Variants in ERBB4 observed in about 807,000 individuals in gnomAD.
The protein encoded by ERBB4 is receptor tyrosine-protein kinase erbB-4.
A neutral mutation model predicts 158.0 loss-of-function variants in ERBB4; 42 were observed. The observed-to-expected ratio is 0.27, with a 90% CI of 0.21 to 0.34. The LOEUF (loss-of-function observed/expected upper bound fraction) is 0.34. ERBB4 is among the 10% of genes least tolerant of loss of function. The pLI, the probability that ERBB4 is intolerant of heterozygous loss-of-function variation, is 1.00. For synonymous variants in ERBB4, 583 were observed against 558.7 expected, an observed-to-expected ratio of 1.04 and a Z score of -0.61; for missense variants, 1,333 against 1,624.1, an observed-to-expected ratio of 0.82 and a Z score of 3.08.
intron 3 of ERBB4, among the ~76,000 whole-genome samples, chr2:211,852,629 T>C (rs1330001443): frequency 8.0e-6 from 1 of 125,432 alleles, no homozygotes; most frequent in African/African-American, 2.7e-5. Flanking sequence ...CATGGTACAA[T>C]GGCCAACTTT....
chr2:211,401,477 CA>C (rs1370268277), intron 25 of ERBB4, among the ~76,000 whole-genome samples: 4 of 151,930 alleles, frequency 2.6e-5, no homozygotes, highest in Non-Finnish European at 5.9e-5. Context: ...GTCAACAGGC[CA>C]AGGAGAAGTC....
chr2:211,901,574 G>A (rs1262331640), intron 3 of ERBB4, among the ~76,000 whole-genome samples: 1 of 152,040 alleles, frequency 6.6e-6, no homozygotes, highest in Non-Finnish European at 1.5e-5. Context: ...TTTTCACTGT[G>A]GCCACCTCAC....
chr2:211,917,717 G>A (rs1246962061), intron 3 of ERBB4, among the ~76,000 whole-genome samples: 1 of 152,156 alleles, frequency 6.6e-6, no homozygotes, highest in Non-Finnish European at 1.5e-5. Flanking sequence ...TGAAGACCAG[G>A]AGCCGTAATA....
At chr2:212,375,221 C>A (rs1235543599) in intron 1 of ERBB4, among the ~76,000 whole-genome samples, 1 of 151,964 alleles carries the variant, frequency 6.6e-6, no homozygotes, top group Non-Finnish European at 1.5e-5. Context: ...GGAGAGAAAT[C>A]CCCCAAAGTT....
At chr2:212,484,647 T>C (rs1422567255) in intron 1 of ERBB4, among the ~76,000 whole-genome samples, 1 of 152,334 alleles carries the variant, frequency 6.6e-6, no homozygotes, top group East Asian at 1.9e-4. Flanking sequence ...AGTGTCTCCT[T>C]TGACTGGAAA....
intron 4 of ERBB4, among the ~76,000 whole-genome samples, chr2:211,760,634 T>C (rs1234851242): frequency 2.6e-5 from 4 of 152,330 alleles, no homozygotes; most frequent in South Asian, 2.1e-4. Flanking sequence ...ATCTCACCTG[T>C]TACTGGTTGT....
At chr2:212,270,836 TAG>T (rs369577614) in intron 1 of ERBB4, among the ~76,000 whole-genome samples, 3 of 149,784 alleles carry the variant, frequency 2.0e-5, no homozygotes, top group South Asian at 4.2e-4. Context: ...AGGAGAGAAA[TAG>T]AGAGAGAGAG....
chr2:211,535,972 G>T (rs2066639903), intron 20 of ERBB4, among the ~76,000 whole-genome samples: 1 of 151,050 alleles, frequency 6.6e-6, no homozygotes, highest in Admixed American at 6.6e-5. Context: ...ACATTTCCCT[G>T]TTTTTTTAAA....
intron 20 of ERBB4, among the ~76,000 whole-genome samples, chr2:211,484,226 A>G (rs574389931): frequency 2.0e-5 from 3 of 152,202 alleles, no homozygotes; most frequent in Non-Finnish European, 4.4e-5. Flanking sequence ...CGGGAGGGAA[A>G]AAAGAGCAAA....
intron 1 of ERBB4, among the ~76,000 whole-genome samples, chr2:212,497,703 T>A (rs1690657614): frequency 6.6e-6 from 1 of 152,046 alleles, no homozygotes; most frequent in Non-Finnish European, 1.5e-5. Flanking sequence ...ATTAGTCAAA[T>A]AAATGACTAC....
intron 3 of ERBB4, among the ~76,000 whole-genome samples, chr2:211,926,290 G>A (rs942855698): frequency 2.0e-5 from 3 of 151,992 alleles, no homozygotes; most frequent in South Asian, 2.1e-4. Context: ...TCTCCACCAC[G>A]CCTACTTTAA....
rs548989298 is a variant in ERBB4 at position 211,483,816 on chromosome 2, G to A, written c.2488-52716C>T. On this transcript the variant is annotated intron_variant, in intron 20 of 27. Coordinates refer to ENST00000342788, the MANE Select transcript of ERBB4 (RefSeq NM_005235.3). ...ATCCTTCCCCTCAGCCTCCCAAAGT[G>A]CTGGGACTACAGGCATGAACCACCG... is the stretch of plus-strand genomic sequence containing the variant. 8.5e-5 allele frequency among the ~76,000 whole-genome samples: 13 copies of A among 152,154 alleles called. No individual in the cohort carries two copies. In the South Asian group the frequency reaches 2.7e-3, roughly 32 times the overall value.
intron 3 of ERBB4, among the ~76,000 whole-genome samples, chr2:211,936,065 T>G (rs1433484390): frequency 6.6e-6 from 1 of 152,110 alleles, no homozygotes; most frequent in African/African-American, 2.4e-5. Flanking sequence ...CTAGTAGAAT[T>G]TATTATTGTG....
intron 12 of ERBB4, among the ~76,000 whole-genome samples, chr2:211,696,100 TTCTTTC>T (rs1391993506): frequency 7.5e-6 from 1 of 133,694 alleles, no homozygotes; most frequent in Non-Finnish European, 1.6e-5. Flanking sequence ...CTCTCTCTCT[TTCTTTC>T]TCTTTATCTC....
intron 2 of ERBB4, chr2:211,960,773 G>C (rs985345254): frequency 5.3e-5 from 8 of 151,974 alleles, no homozygotes; most frequent in African/African-American, 1.9e-4. Context: ...CCATTCATGA[G>C]GAGTCTACTC....
intron 19 of ERBB4, among the ~76,000 whole-genome samples, chr2:211,608,898 T>C (rs2125828202): frequency 6.6e-6 from 1 of 152,292 alleles, no homozygotes; most frequent in Middle Eastern, 3.4e-3. Context: ...TGATCCAGGA[T>C]TACTGACTTC....
At chr2:212,360,831 G>A (rs2089660587) in intron 1 of ERBB4, among the ~76,000 whole-genome samples, 1 of 151,584 alleles carries the variant, frequency 6.6e-6, no homozygotes. Context: ...CAGTGATTTA[G>A]ACTGAGACTT....
intron 1 of ERBB4, among the ~76,000 whole-genome samples, chr2:212,368,268 C>T (rs2089962171): frequency 6.6e-6 from 1 of 152,102 alleles, no homozygotes; most frequent in African/African-American, 2.4e-5. Context: ...GAATTAGCAG[C>T]ATTTGCAGTG....
intron 1 of ERBB4, among the ~76,000 whole-genome samples, chr2:212,491,356 T>A (rs559213991): frequency 2.6e-5 from 4 of 151,758 alleles, no homozygotes; most frequent in African/African-American, 9.6e-5. Context: ...AAAGTTAGGG[T>A]CAACACACGA....
Sources: gnomAD v4.1 joint callset for allele counts (sites outside exome capture counted in the v4.1 genomes callset) on GRCh38, gnomAD v4.1.1 for gene constraint, MANE v1.5 for transcripts, NCBI Gene and HGNC (gene_info 2026-07-23, HGNC 2026-07-21) for gene names.